DGKA: variants seen among roughly 807,000 people sequenced by gnomAD.
The protein encoded by DGKA is 80 kDa diacylglycerol kinase.
Under a neutral mutation model 105.0 loss-of-function variants are expected in DGKA, and 35 were observed. That is an observed-to-expected ratio of 0.33 (90% CI 0.25 to 0.44). The LOEUF (loss-of-function observed/expected upper bound fraction) is 0.44, where lower values mean the gene tolerates loss of function less well. DGKA is among the 20% of genes least tolerant of loss of function. DGKA has a pLI of 1.00. For missense variants in DGKA, 665 were observed against 915.0 expected, an observed-to-expected ratio of 0.73 and a Z score of 3.53; for synonymous variants, 296 against 332.0, an observed-to-expected ratio of 0.89 and a Z score of 1.18.
chr12:55,939,281 G>A lies in DGKA; in HGVS notation c.570G>A (p.Leu190=). Reference sequence around the variant, plus strand: ...GGGCTGGGGCCACCACCGTGCCACTGCTAGTGCTGCTGGGTCTGGAGATGG... The same window carrying A: ...GGGCTGGGGCCACCACCGTGCCACTACTAGTGCTGCTGGGTCTGGAGATGG... The part of the protein sequence containing the change: ...WVRAGATTVP[L]LVLLGLEMTL... Residue 190 remains leucine (L), a synonymous_variant, in exon 8 of 24, where the codon CTG becomes CTA. Coordinates refer to ENST00000331886, the MANE Select transcript of DGKA (RefSeq NM_001345.5). 1 of 1,614,146 alleles carries A rather than the reference G, an allele frequency of 6.2e-7. No individual in the cohort carries two copies. The highest frequency in any genetic ancestry group is 8.5e-7 in the Non-Finnish European group (1 of 1,179,988).
chr12:55,940,728 A>AC lies in DGKA; in HGVS notation c.1017+9dup. On this transcript the variant is annotated splice_region_variant and intron_variant, in intron 12 of 23. Coordinates refer to ENST00000331886, the MANE Select transcript of DGKA (RefSeq NM_001345.5). This position sits in a 1 kb window ranked among gnomAD's most constrained non-coding sequence, Gnocchi z 4.3. ...CCATCTATCCCAGTGTCCTGGTGAG[A>AC]CCCTCGGCAGCAGCGGGGAGGGGAC... 1 of 1,612,544 alleles carries AC rather than the reference A, an allele frequency of 6.2e-7. No individual in the cohort carries two copies. Among genetic ancestry groups the AC allele is most frequent in the South Asian group, 1.1e-5 (1 of 90,930 alleles).
At chr12:55,933,238 C>T (rs1379149414) in intron 1 of DGKA, among the ~76,000 whole-genome samples, 1 of 152,192 alleles carries the variant, frequency 6.6e-6, no homozygotes, top group Non-Finnish European at 1.5e-5. Flanking sequence ...CCTCAATTTC[C>T]TCCTCTGTAA....
intron 22 of DGKA, 35 bp downstream of exon 22, chr12:55,953,195 G>T (rs771456145): frequency 1.2e-5 from 20 of 1,613,738 alleles, no homozygotes; most frequent in South Asian, 3.3e-5. Flanking sequence ...CTGAGGGAAG[G>T]TGTGGGGCTG....
chr12:55,953,563 A>G (rs1229605579), intron 23 of DGKA, 122 bp from the exon 24 acceptor site: 12 of 1,330,420 alleles, frequency 9.0e-6, no homozygotes, highest in Admixed American at 5.5e-5. Context: ...TGGTTTCCCT[A>G]TCGTGGCCTC....
chr12:55,952,187 G>A lies in DGKA; in HGVS notation c.1652+88G>A. 6.3e-7 allele frequency: 1 copy of A among 1,574,926 alleles called. No individual in the cohort carries two copies. Among genetic ancestry groups the A allele is most frequent in the Non-Finnish European group, 8.7e-7 (1 of 1,145,182 alleles). On this transcript the variant is annotated intron_variant, in intron 19 of 23. Transcript: ENST00000331886. The surrounding 1 kb of genome is among the most constrained non-coding windows in gnomAD (Gnocchi z 5.1). ...TTGACTCAGATTGCTCAGAAGAACA[G>A]TGGCACCTCTAGGAGGTCCCCCCAA...
chr12:55,938,371 C>T, intron 5 of DGKA, 140 bp from the exon 6 acceptor site: 3 of 1,054,854 alleles, frequency 2.8e-6, no homozygotes, highest in East Asian at 2.4e-5. Flanking sequence ...TCCTTTTTGT[C>T]TCTCTCTCAG....
At chr12:55,936,397 C>G (rs879770186) in intron 1 of DGKA, 26 bp from the exon 2 acceptor site, 22 of 1,499,580 alleles carry the variant, frequency 1.5e-5, no homozygotes, top group Non-Finnish European at 1.9e-5. Context: ...GCTCTTCCCA[C>G]TGTACGCTCT....
At chr12:55,944,139 T>C (rs939594751) in intron 17 of DGKA, among the ~76,000 whole-genome samples, 12 of 152,102 alleles carry the variant, frequency 7.9e-5, no homozygotes, top group African/African-American at 2.4e-4. Context: ...CTACAAAATA[T>C]TTTTTAAAAA....
Position 55,932,922 on chromosome 12 carries a change from G to A in DGKA, c.-82+1578G>A, listed in dbSNP as rs1314789586. ...TTCAGAAGTCCAGGTAATCAGGCCT[G>A]GGCCCTCAAATTCGGGGCTCCTGCC... On this transcript the variant is annotated intron_variant, in intron 1 of 23. Coordinates refer to ENST00000331886, the MANE Select transcript of DGKA (RefSeq NM_001345.5). The surrounding 1 kb of genome is among the most constrained non-coding windows in gnomAD (Gnocchi z 4.3). The A allele has an allele frequency of 4.1e-6, 1 of 243,548 alleles. No homozygotes were observed. Among genetic ancestry groups the A allele is most frequent in the Non-Finnish European group, 8.0e-6 (1 of 125,364 alleles). 15.1% of individuals were successfully genotyped at this position (243,548 alleles called of 1,614,324 possible).
In DGKA at chr12:55,952,172, T is replaced by C; in HGVS notation, c.1652+73T>C. ...AGGTTTTGACCAAGTTTGACTCAGATTGCTCAGAAGAACAGTGGCACCTCT... is the reference window on the plus strand; with the variant it reads ...AGGTTTTGACCAAGTTTGACTCAGACTGCTCAGAAGAACAGTGGCACCTCT... On this transcript the variant is annotated intron_variant, in intron 19 of 23. Transcript: ENST00000331886. This position sits in a 1 kb window ranked among gnomAD's most constrained non-coding sequence, Gnocchi z 5.1. 1 of 1,597,620 alleles carries C rather than the reference T, an allele frequency of 6.3e-7. No individual in the cohort carries two copies. The highest frequency in any genetic ancestry group is 8.6e-7 in the Non-Finnish European group (1 of 1,165,406).
intron 17 of DGKA, among the ~76,000 whole-genome samples, chr12:55,943,910 TAAACAAGC>T (rs2136351906): frequency 6.6e-6 from 1 of 152,322 alleles, no homozygotes; most frequent in Admixed American, 6.5e-5. Flanking sequence ...CAAGTTAGCA[TAAACAAGC>T]AAACAAGTTA....
rs887306115 is a variant in DGKA, at chr12:55,953,981, A to G, written c.*213A>G. 4.7e-6 allele frequency: 3 copies of G among 637,078 alleles called. No individual in the cohort carries two copies. The African/African-American group carries it at 5.5e-5, about 12-fold the overall frequency. 39.5% of individuals were successfully genotyped at this position (637,078 alleles called of 1,614,324 possible). A position where few individuals can be genotyped will look rare whatever the true frequency, so the allele number is the denominator to read the frequency against. On this transcript the variant is annotated 3_prime_UTR_variant, in exon 24 of 24. Transcript: ENST00000331886. ...AAAACACATACATTGAAAGTGCCTC[A>G]TCTGAATAAAATGACTTGTGTTTCC...
At position 55,941,590 on chromosome 12, in the gene DGKA, C is replaced by G; in HGVS notation, c.1250+6C>G. On this transcript the variant is annotated splice_donor_region_variant and intron_variant, in intron 15 of 23. Transcript: ENST00000331886. ...AAGGATGGTCCTGAGATAGGGTGAGCACAGGTTAGGGACTGTATCACAGTG... is the reference window on the plus strand; with the variant it reads ...AAGGATGGTCCTGAGATAGGGTGAGGACAGGTTAGGGACTGTATCACAGTG... The G allele has an allele frequency of 6.2e-7, 1 of 1,613,876 alleles. No individual in the cohort carries two copies. Among genetic ancestry groups the G allele is most frequent in the Non-Finnish European group, 8.5e-7 (1 of 1,179,824 alleles).
At chr12:55,927,564 C>G, upstream of DGKA, 1 of 927,784 alleles carries the variant, frequency 1.1e-6, no homozygotes, top group Non-Finnish European at 1.6e-6. Flanking sequence ...CAGGAACGCA[C>G]TGGGGCGCAC....
intron 17 of DGKA, among the ~76,000 whole-genome samples, chr12:55,950,013 T>A (rs954861183): frequency 6.6e-6 from 1 of 151,862 alleles, no homozygotes; most frequent in African/African-American, 2.4e-5. Flanking sequence ...TCACTCTTGT[T>A]GCCCAGGCTG....
At chr12:55,942,657 T>C (rs1461277170) in intron 17 of DGKA, 1 of 244,180 alleles carries the variant, frequency 4.1e-6, no homozygotes, top group African/African-American at 2.2e-5. Context: ...ATTAACCAGG[T>C]AGTCATTAAT....
At chr12:55,927,399 G>T, upstream of DGKA, 1 of 714,018 alleles carries the variant, frequency 1.4e-6, no homozygotes, top group South Asian at 1.5e-5. Context: ...TCATCCCCAG[G>T]AACTCCTCGT....
Position 55,952,028 on chromosome 12 carries a change from T to C in DGKA, c.1588-7T>C. 6.2e-7 allele frequency: 1 copy of C among 1,613,878 alleles called. No homozygotes were observed. Among genetic ancestry groups the C allele is most frequent in the Non-Finnish European group, 8.5e-7 (1 of 1,179,996 alleles). ...CTGTACTGACCTTCATGTCCCGAAC[T>C]CTCCAGGATGCCTCTATTGCTCATC... On this transcript the variant is annotated splice_region_variant and splice_polypyrimidine_tract_variant and intron_variant, in intron 18 of 23. Coordinates refer to ENST00000331886, the MANE Select transcript of DGKA (RefSeq NM_001345.5). This position sits in a 1 kb window ranked among gnomAD's most constrained non-coding sequence, Gnocchi z 5.1.
chr12:55,930,366 T>TTG (rs1883378102), upstream of DGKA: 1 of 129,944 alleles, frequency 7.7e-6, no homozygotes, highest in African/African-American at 3.6e-5. Context: ...TGTTTTTTTT[T>TTG]TTTTTTTTTT....
Sources: gnomAD v4.1 joint callset for allele counts (sites outside exome capture counted in the v4.1 genomes callset) on GRCh38, gnomAD v4.1.1 for gene constraint, Gnocchi (gnomAD v3.1) non-coding constraint, MANE v1.5 for transcripts, NCBI Gene and HGNC (gene_info 2026-07-23, HGNC 2026-07-21) for gene names.